The following PRR16 variants were observed in gnomAD, a reference collection of about 807,000 sequenced individuals.
The protein encoded by PRR16 is proline rich 16.
Under a neutral mutation model 18.2 loss-of-function variants are expected in PRR16, and 6 were observed. The ratio of observed to expected loss-of-function variants is 0.33; its 90% confidence interval spans 0.18 to 0.65. PRR16 has a LOEUF of 0.65. Among genes scored for constraint, PRR16 ranks in the 30% least tolerant of loss-of-function variants. PRR16 has a pLI of 0.74. For synonymous variants in PRR16, 151 were observed against 147.8 expected (o/e 1.02, Z -0.16); for missense variants, 412 against 376.6 (o/e 1.09, Z -0.78).
chr5:120,474,611 AT>A (rs1469593378), intron 1 of PRR16, among the ~76,000 whole-genome samples: 13 of 146,182 alleles, frequency 8.9e-5, no homozygotes, highest in African/African-American at 3.1e-4. Flanking sequence ...AAAAAAACCC[AT>A]TATCTGTATT....
the PRR16 span, among the ~76,000 whole-genome samples, chr5:120,745,728 T>G: frequency 6.6e-6 from 1 of 151,824 alleles, no homozygotes; most frequent in Admixed American, 6.6e-5. Flanking sequence ...AGATAGAGTC[T>G]CACTCTGTCA....
At chr5:120,469,451 T>TA (rs1749200235) in intron 1 of PRR16, among the ~76,000 whole-genome samples, 1 of 152,124 alleles carries the variant, frequency 6.6e-6, no homozygotes, top group Non-Finnish European at 1.5e-5. Context: ...GCCTTCTGAG[T>TA]AGCTGGGACT....
the PRR16 span, among the ~76,000 whole-genome samples, chr5:120,754,549 ATAAT>A: frequency 1.3e-5 from 1 of 79,238 alleles, no homozygotes; most frequent in Non-Finnish European, 2.2e-5. Context: ...GTAATTATAT[ATAAT>A]ATATATTATA....
At chr5:120,499,112 CTTTTT>C (rs113501213) in intron 1 of PRR16, among the ~76,000 whole-genome samples, 5 of 140,052 alleles carry the variant, frequency 3.6e-5, no homozygotes, top group Non-Finnish European at 7.8e-5. Context: ...TTTTTAATCA[CTTTTT>C]TTTTTTTTAA....
chr5:120,550,151 C>T (rs1752208758), intron 1 of PRR16, among the ~76,000 whole-genome samples: 1 of 151,952 alleles, frequency 6.6e-6, no homozygotes, highest in Admixed American at 6.6e-5. Context: ...ATTTATTTGT[C>T]ATTATTACTA....
the PRR16 span, among the ~76,000 whole-genome samples, chr5:120,727,018 C>T: frequency 6.6e-5 from 10 of 152,054 alleles, no homozygotes; most frequent in Admixed American, 4.6e-4. Context: ...CCTTTCAGCC[C>T]CAGAACATCA....
chr5:120,680,181 C>A (rs1400405213), intron 1 of PRR16, among the ~76,000 whole-genome samples: 1 of 152,026 alleles, frequency 6.6e-6, no homozygotes, highest in Non-Finnish European at 1.5e-5. Flanking sequence ...TTAAAAGAAA[C>A]AAAATATTGA....
chr5:120,688,839 A>G, downstream of PRR16, among the ~76,000 whole-genome samples: 1 of 152,184 alleles, frequency 6.6e-6, no homozygotes, highest in East Asian at 1.9e-4. Context: ...AGATGAATAA[A>G]TTTAATCGTT....
chr5:120,717,601 C>T, the PRR16 span, among the ~76,000 whole-genome samples: 2 of 152,128 alleles, frequency 1.3e-5, no homozygotes, highest in Non-Finnish European at 2.9e-5. Context: ...CAGTCCTTTT[C>T]TTCTTGCCTG....
At chr5:120,505,994 A>G (rs1750634312) in intron 1 of PRR16, among the ~76,000 whole-genome samples, 2 of 150,208 alleles carry the variant, frequency 1.3e-5, no homozygotes, top group African/African-American at 4.9e-5. Flanking sequence ...CATAGAGTGC[A>G]TCTAGTTTCA....
intron 1 of PRR16, among the ~76,000 whole-genome samples, chr5:120,489,238 T>C (rs772966000): frequency 2.0e-5 from 3 of 152,192 alleles, no homozygotes; most frequent in African/African-American, 7.2e-5. Flanking sequence ...ATCTGTCTAA[T>C]GTTGACAGTG....
intron 1 of PRR16, among the ~76,000 whole-genome samples, chr5:120,549,396 T>C (rs1752182074): frequency 2.0e-5 from 3 of 152,002 alleles, no homozygotes; most frequent in South Asian, 4.1e-4. Context: ...CTTTATTCTT[T>C]AAAAGAGACA....
chr5:120,562,104 G>A (rs751385909), intron 1 of PRR16, among the ~76,000 whole-genome samples: 14 of 151,992 alleles, frequency 9.2e-5, no homozygotes, highest in African/African-American at 2.9e-4. Context: ...TTATTGTATC[G>A]AAGTCTATCT....
intron 1 of PRR16, among the ~76,000 whole-genome samples, chr5:120,496,530 A>G (rs1750251508): frequency 6.6e-6 from 1 of 152,156 alleles, no homozygotes; most frequent in Admixed American, 6.5e-5. Flanking sequence ...TTGTTTAGAT[A>G]TCTTCAAGAC....
At chr5:120,585,448 A>G (rs557405841) in intron 1 of PRR16, among the ~76,000 whole-genome samples, 42 of 152,176 alleles carry the variant, frequency 2.8e-4, no homozygotes, top group African/African-American at 9.4e-4. Context: ...CGCTTCTACT[A>G]AAAATATAAA....
the PRR16 span, among the ~76,000 whole-genome samples, chr5:120,708,299 T>C: frequency 6.6e-6 from 1 of 152,236 alleles, no homozygotes; most frequent in African/African-American, 2.4e-5. Context: ...AAAGTTCCTC[T>C]TTGTGGTAAT....
At chr5:120,679,849 A>T (rs1383461540) in intron 1 of PRR16, among the ~76,000 whole-genome samples, 1 of 152,174 alleles carries the variant, frequency 6.6e-6, no homozygotes, top group Non-Finnish European at 1.5e-5. Flanking sequence ...GAGTTGGGGG[A>T]CAGAGAATGG....
intron 1 of PRR16, among the ~76,000 whole-genome samples, chr5:120,609,296 A>G (rs1270034724): frequency 6.6e-6 from 1 of 152,110 alleles, no homozygotes; most frequent in African/African-American, 2.4e-5. Flanking sequence ...CATCATCAGT[A>G]TCTATTTCCA....
the PRR16 span, among the ~76,000 whole-genome samples, chr5:120,698,913 G>C: frequency 1.3e-5 from 2 of 152,132 alleles, no homozygotes; most frequent in Non-Finnish European, 2.9e-5. Flanking sequence ...ATAAAGGCTG[G>C]TCTGTTATCA....
Sources: gnomAD v4.1 joint callset for allele counts (sites outside exome capture counted in the v4.1 genomes callset) on GRCh38, gnomAD v4.1.1 for gene constraint, MANE v1.5 for transcripts, NCBI Gene and HGNC (gene_info 2026-07-23, HGNC 2026-07-21) for gene names.